Variants in USP6NL observed in about 807,000 individuals in gnomAD.
USP6NL encodes USP6 N-terminal like, also known as USP6 N-terminal-like protein.
A neutral mutation model predicts 61.9 loss-of-function variants in USP6NL; 26 were observed. The ratio of observed to expected loss-of-function variants is 0.42; its 90% CI spans 0.31 to 0.58. The LOEUF is 0.58. USP6NL is among the 20% of genes least tolerant of loss of function. The pLI, the probability that USP6NL is intolerant of heterozygous loss-of-function variation, is 0.16. For synonymous variants in USP6NL, 432 were observed against 390.1 expected (o/e 1.11, Z -1.27); for missense variants, 1,114 against 1,034.3 (o/e 1.08, Z -1.06).
chr10:11,463,785 GC>G lies in USP6NL; in HGVS notation c.1142del (p.Gly381AlafsTer5). Reference protein sequence around the residue: ...GQLPPELQSWGVHHLSNGQRS... With the variant: ...GQLPPELQSWXVHHLSNGQRS... Reference sequence around the variant, plus strand: ...TCTGTCCGTTGCTCAAGTGATGGACGCCCCAAGACTGAAGTTCAGGTGGAAG... The same window carrying G: ...TCTGTCCGTTGCTCAAGTGATGGACGCCCAAGACTGAAGTTCAGGTGGAAG... On this transcript the variant is annotated frameshift_variant, in exon 15 of 15. Transcript: ENST00000609104. LOFTEE classifies it low-confidence loss of function (END_TRUNC). This position sits in a 1 kb window ranked among gnomAD's most constrained non-coding sequence, Gnocchi z 6.3. 1.3e-6 allele frequency: 2 copies of G among 1,509,970 alleles called. No individual in the cohort carries two copies. The highest frequency in any genetic ancestry group is 4.8e-5 in the East Asian group (2 of 41,964). 93.5% of individuals were successfully genotyped at this position (1,509,970 alleles called of 1,614,324 possible). A position where few individuals can be genotyped will look rare whatever the true frequency, so the allele number is the denominator to read the frequency against.
chr10:11,577,967 T>C (rs1837614619), intron 2 of USP6NL, among the ~76,000 whole-genome samples: 1 of 149,118 alleles, frequency 6.7e-6, no homozygotes, highest in African/African-American at 2.4e-5. Flanking sequence ...ACAGGTGATG[T>C]TATTTTCTTT....
intron 2 of USP6NL, among the ~76,000 whole-genome samples, chr10:11,593,720 G>A (rs1163005660): frequency 6.6e-6 from 1 of 152,128 alleles, no homozygotes; most frequent in African/African-American, 2.4e-5. Context: ...AATAAAAGCG[G>A]AAAAACATTA....
At chr10:11,501,858 CTT>C (rs1177695352) in intron 6 of USP6NL, among the ~76,000 whole-genome samples, 1 of 152,150 alleles carries the variant, frequency 6.6e-6, no homozygotes, top group East Asian at 1.9e-4. Flanking sequence ...TTCAGGAAAA[CTT>C]TTTTCTTTTT....
At chr10:11,555,433 A>AAATATATATAT (rs1275798295) in intron 2 of USP6NL, among the ~76,000 whole-genome samples, 5 of 49,030 alleles carry the variant, frequency 1.0e-4, no homozygotes, top group South Asian at 9.0e-4. Flanking sequence ...AAAAAAAAAA[A>AAATATATATAT]ATATATATAT....
At chr10:11,477,638 C>T (rs943394618) in intron 14 of USP6NL, among the ~76,000 whole-genome samples, 3 of 152,218 alleles carry the variant, frequency 2.0e-5, no homozygotes, top group South Asian at 2.1e-4. Context: ...AACACACAGA[C>T]GTTTTGGTTA....
chr10:11,579,701 T>C (rs1588407257), intron 2 of USP6NL, among the ~76,000 whole-genome samples: 1 of 152,234 alleles, frequency 6.6e-6, no homozygotes, highest in African/African-American at 2.4e-5. Context: ...AGAACGCTTA[T>C]CCCAGTGAAT....
Position 11,462,525 on chromosome 10 carries a change from T to C in USP6NL, c.2403A>G (p.Gly801=). The C allele has an allele frequency of 6.2e-7, 1 of 1,613,980 alleles. No individual in the cohort carries two copies. Residue 801 remains glycine, a synonymous_variant, in exon 15 of 15, where the codon GGA becomes GGG. Coordinates refer to ENST00000609104, the MANE Select transcript of USP6NL (RefSeq NM_014688.5). ...SPAAEDASPS[G]YPYSGPPPPA... ...GAGGCGGGGGCCCTGAATATGGATA[T>C]CCAGATGGACTGGCATCTTCTGCGG...
intron 6 of USP6NL, among the ~76,000 whole-genome samples, chr10:11,505,886 A>G (rs1834409141): frequency 6.6e-6 from 1 of 151,862 alleles, no homozygotes; most frequent in South Asian, 2.1e-4. Context: ...CTGCCTCTCC[A>G]TTTTCTCTCA....
Position 11,462,138 on chromosome 10 carries a change from C to T in USP6NL, c.*303G>A. 3.1e-6 allele frequency: 1 copy of T among 318,450 alleles called. No homozygotes were observed. Among genetic ancestry groups the T allele is most frequent in the Non-Finnish European group, 5.8e-6 (1 of 173,646 alleles). 19.7% of individuals were successfully genotyped at this position (318,450 alleles called of 1,614,324 possible). On this transcript the variant is annotated 3_prime_UTR_variant, in exon 15 of 15. Coordinates refer to ENST00000609104, the MANE Select transcript of USP6NL (RefSeq NM_014688.5). The stretch of plus-strand genomic sequence containing the variant: ...AATGAGCCAACAGAGTAAAAATGTT[C>T]AGGTTTTGGAGAAAAACATAACCGG...
In USP6NL at chr10:11,596,349, C is replaced by T. The variant is rs1046253715; in HGVS notation, c.4+1282G>A. Among the ~76,000 whole-genome samples, 4 of 152,108 alleles carry T rather than the reference C, an allele frequency of 2.6e-5. No homozygotes were observed. Among genetic ancestry groups the T allele is most frequent in the South Asian group, 2.1e-4 (1 of 4,824 alleles). On this transcript the variant is annotated intron_variant, in intron 2 of 14. Transcript: ENST00000609104. The surrounding 1 kb of genome is among the most constrained non-coding windows in gnomAD (Gnocchi z 4.1). ...ACAAAAGCTCTTTCTTGGCCGGGCG[C>T]GGTGGCTCACGCCTGTAATCCCAGC... is the stretch of plus-strand genomic sequence containing the variant.
chr10:11,490,834 T>C lies in USP6NL; in HGVS notation c.541A>G (p.Thr181Ala). 13 of 1,554,412 alleles carry C rather than the reference T, an allele frequency of 8.4e-6. No homozygotes were observed. Among genetic ancestry groups the C allele is most frequent in the Non-Finnish European group, 1.1e-5 (13 of 1,149,564 alleles). ...HVLAAYSIYN[T>A]EVGYCQGMSQ... Reference sequence around the variant, plus strand: ...TGGGCAGGCAGGCCCCAACTTACCGTGTTATAAATAGAATAGGCAGCAAGC... The same window carrying C: ...TGGGCAGGCAGGCCCCAACTTACCGCGTTATAAATAGAATAGGCAGCAAGC... The change falls in exon 9 of 15, where the codon ACG becomes GCG. Residue 181 changes from threonine (T) to alanine (A), a missense_variant and splice_region_variant. Transcript: ENST00000609104. The surrounding 1 kb of genome is among the most constrained non-coding windows in gnomAD (Gnocchi z 4.5).
chr10:11,594,948 G>A (rs1483922534), intron 2 of USP6NL, among the ~76,000 whole-genome samples: 1 of 152,180 alleles, frequency 6.6e-6, no homozygotes, highest in East Asian at 1.9e-4. Context: ...CCAGAAGGAG[G>A]CAGGCAGAGT....
chr10:11,539,108 G>A (rs572401122), intron 2 of USP6NL, among the ~76,000 whole-genome samples: 30 of 152,294 alleles, frequency 2.0e-4, no homozygotes, highest in Non-Finnish European at 2.9e-5. Flanking sequence ...GAAGCACCTG[G>A]GCAAGACAGG....
chr10:11,594,090 A>G (rs543665704), intron 2 of USP6NL, among the ~76,000 whole-genome samples: 1 of 152,286 alleles, frequency 6.6e-6, no homozygotes, highest in South Asian at 2.1e-4. Flanking sequence ...AGCCTGTACC[A>G]CATATCCATA....
chr10:11,523,855 G>GC (rs1180511532), intron 4 of USP6NL, among the ~76,000 whole-genome samples: 1 of 152,168 alleles, frequency 6.6e-6, no homozygotes, highest in African/African-American at 2.4e-5. Flanking sequence ...CAGCTGAGGT[G>GC]CCTCCTATCT....
In USP6NL at chr10:11,490,073, CTCCAAT is replaced by C. The variant is rs373908225; in HGVS notation, c.543+753_543+758del. On this transcript the variant is annotated intron_variant, in intron 9 of 14. Transcript: ENST00000609104. The surrounding 1 kb of genome is among the most constrained non-coding windows in gnomAD (Gnocchi z 4.5). ...TCACCAGACGCTTCCCACCTTCCAGCTCCAATTCCGGTGAGGCCCAACTAGTGCTTC... is the reference window on the plus strand; with the variant it reads ...TCACCAGACGCTTCCCACCTTCCAGCTCCGGTGAGGCCCAACTAGTGCTTC... 8.5e-5 allele frequency among the ~76,000 whole-genome samples: 13 copies of C among 152,336 alleles called. No homozygotes were observed. The highest frequency in any genetic ancestry group is 2.9e-4 in the African/African-American group (12 of 41,576).
At position 11,525,507 on chromosome 10, in the gene USP6NL, A is replaced by G; in HGVS notation, c.73-39T>C. On this transcript the variant is annotated intron_variant, in intron 3 of 14. Transcript: ENST00000609104. This position sits in a 1 kb window ranked among gnomAD's most constrained non-coding sequence, Gnocchi z 5.0. ...CAAAAAAAGGTGTTAATCAGAGTTT[A>G]TAAAACTGAATAATTTTTTAAAATA... The G allele has an allele frequency of 6.8e-7, 1 of 1,474,928 alleles. No individual in the cohort carries two copies. Among genetic ancestry groups the G allele is most frequent in the East Asian group, 2.5e-5 (1 of 40,504 alleles). The allele number at this position is 1,474,928 out of a possible 1,614,324, so 91.4% of individuals were successfully genotyped here.
intron 2 of USP6NL, among the ~76,000 whole-genome samples, chr10:11,543,912 T>C (rs887760177): frequency 2.1e-5 from 3 of 141,164 alleles, no homozygotes; most frequent in Non-Finnish European, 4.6e-5. Flanking sequence ...CCTGGGTTCA[T>C]ACCATTCTCC....
rs748600570 is a variant in USP6NL at position 11,462,992 on chromosome 10, A to AG, written c.1935dup (p.Phe646LeufsTer14). 1.2e-6 allele frequency: 2 copies of AG among 1,613,656 alleles called. No individual in the cohort carries two copies. Among genetic ancestry groups the AG allele is most frequent in the African/African-American group, 2.7e-5 (2 of 74,862 alleles). On this transcript the variant is annotated frameshift_variant, in exon 15 of 15. Coordinates refer to ENST00000609104, the MANE Select transcript of USP6NL (RefSeq NM_014688.5). LOFTEE classifies it low-confidence loss of function (END_TRUNC). Reference sequence around the variant, plus strand: ...GCAAAGCTGCTGTTGGCAGTAGGGAAGTGTTTGGGAGAGTTTCCGTGGTAA... The same window carrying AG: ...GCAAAGCTGCTGTTGGCAGTAGGGAAGGTGTTTGGGAGAGTTTCCGTGGTAA...
Sources: allele counts gnomAD v4.1 joint callset (sites outside exome capture counted in the v4.1 genomes callset), GRCh38; gene constraint gnomAD v4.1.1; non-coding constraint Gnocchi (gnomAD v3.1); transcripts MANE v1.5; gene names NCBI Gene and HGNC (gene_info 2026-07-23, HGNC 2026-07-21).